PEX13: variants seen among roughly 807,000 people sequenced by gnomAD.
PEX13 encodes the protein peroxisome biogenesis factor 13.
In PEX13, 28 loss-of-function variants were observed where a neutral mutation model predicts 34.5. The observed-to-expected ratio is 0.81, with a 90% CI of 0.60 to 1.11. The LOEUF is 1.11. Ranked by LOEUF, PEX13 falls within the 50% of genes most tolerant of loss-of-function variation. The probability of loss-of-function intolerance (pLI) is 0.00; values close to 1 mark genes in which losing one functional copy is unlikely to be tolerated. For synonymous variants in PEX13, 177 were observed against 175.1 expected (o/e 1.01, Z -0.09); for missense variants, 550 against 491.0 (o/e 1.12, Z -1.13).
Position 61,035,620 on chromosome 2 carries a change from G to C in PEX13, c.787+3507G>C, listed in dbSNP as rs1415936999. Among the ~76,000 whole-genome samples the C allele has an allele frequency of 2.0e-5, 3 of 152,238 alleles. No individual in the cohort carries two copies. In the South Asian group the frequency reaches 6.2e-4, roughly 32 times the overall value. ...TAACTAGAATAAAGAGTGTACAGAA[G>C]ACCTTAAATGACCTGATGGAGCTAA... On this transcript the variant is annotated intron_variant, in intron 2 of 3. Coordinates refer to ENST00000295030, the MANE Select transcript of PEX13 (RefSeq NM_002618.4).
At position 61,031,911 on chromosome 2, in the gene PEX13, A is replaced by G; in HGVS notation, c.585A>G (p.Leu195=). ...VRTIRYLYRR[L]QRMLGLRRGS... ...CTATACGGTATCTTTACAGACGGCTACAGCGGATGTTAGGTTTAAGAAGAG... is the reference window on the plus strand; with the variant it reads ...CTATACGGTATCTTTACAGACGGCTGCAGCGGATGTTAGGTTTAAGAAGAG... Residue 195 remains leucine (L), a synonymous_variant, in exon 2 of 4, where the codon CTA becomes CTG. Transcript: ENST00000295030. 1 of 1,614,084 alleles carries G rather than the reference A, an allele frequency of 6.2e-7. No individual in the cohort carries two copies. The highest frequency in any genetic ancestry group is 8.5e-7 in the Non-Finnish European group (1 of 1,179,898).
At chr2:61,045,905 G>T (rs1680698295) in intron 3 of PEX13, 54 bp downstream of exon 3, 1 of 1,416,972 alleles carries the variant, frequency 7.1e-7, no homozygotes, top group South Asian at 1.2e-5. Context: ...ATTCATAAAT[G>T]CAGTATTAAA....
In PEX13 at chr2:61,050,507, G is replaced by T. The variant is rs1210212552; in HGVS notation, c.*1737G>T. ...AGAAAATTGGAAACTTCATATACTT[G>T]GCTACGAACATACTACAGAGTAATA... On this transcript the variant is annotated 3_prime_UTR_variant, in exon 4 of 4. Transcript: ENST00000295030. 6.6e-6 allele frequency: 1 copy of T among 152,242 alleles called. No homozygotes were observed. Among genetic ancestry groups the T allele is most frequent in the Non-Finnish European group, 1.5e-5 (1 of 68,024 alleles). The allele number at this position is 152,242 out of a possible 1,614,324, so 9.4% of individuals were successfully genotyped here. A position where few individuals can be genotyped will look rare whatever the true frequency, so the allele number is the denominator to read the frequency against.
At chr2:61,036,547 A>G (rs1461603389) in intron 2 of PEX13, among the ~76,000 whole-genome samples, 1 of 152,224 alleles carries the variant, frequency 6.6e-6, no homozygotes, top group African/African-American at 2.4e-5. Context: ...CGAAGGAGAA[A>G]TAAATTCCTT....
At chr2:61,032,861 G>T (rs554256120) in intron 2 of PEX13, among the ~76,000 whole-genome samples, 2 of 152,280 alleles carry the variant, frequency 1.3e-5, no homozygotes, top group East Asian at 3.9e-4. Context: ...AGACCAGCTT[G>T]AACAAAAGTA....
At chr2:61,024,113 T>C (rs1680311924) in intron 1 of PEX13, among the ~76,000 whole-genome samples, 1 of 152,138 alleles carries the variant, frequency 6.6e-6, no homozygotes, top group Non-Finnish European at 1.5e-5. Context: ...TGTCTTATTC[T>C]TTGCTCCTTT....
At chr2:61,030,186 C>A (rs997392393) in intron 1 of PEX13, among the ~76,000 whole-genome samples, 3 of 152,104 alleles carry the variant, frequency 2.0e-5, no homozygotes, top group African/African-American at 7.2e-5. Flanking sequence ...TGTATGAGTC[C>A]ATTTACCATA....
In PEX13 at chr2:61,017,750, G is replaced by T. The variant is rs1342966151; in HGVS notation, c.-10G>T. ...GGGGTAGGAGCGGGAGCCGAGAGGA[G>T]GCGGAGGAGATGGCGTCCCAGCCGC... On this transcript the variant is annotated 5_prime_UTR_variant, in exon 1 of 4. In the 5' UTR this introduces an upstream ATG that the reference lacks. Transcript: ENST00000295030. 3 of 1,548,704 alleles carry T rather than the reference G, an allele frequency of 1.9e-6. No individual in the cohort carries two copies. Among genetic ancestry groups the T allele is most frequent in the Non-Finnish European group, 8.7e-7 (1 of 1,146,230 alleles).
chr2:61,029,790 CAA>C (rs931286413), intron 1 of PEX13, among the ~76,000 whole-genome samples: 2 of 142,242 alleles, frequency 1.4e-5, no homozygotes, highest in Non-Finnish European at 3.0e-5. Flanking sequence ...CTAGCCTGGA[CAA>C]TAGAGTGAGA....
At chr2:61,040,313 A>G (rs1408520263) in intron 2 of PEX13, among the ~76,000 whole-genome samples, 2 of 152,202 alleles carry the variant, frequency 1.3e-5, no homozygotes, top group African/African-American at 4.8e-5. Context: ...ACTGTTCACA[A>G]TAGCAAAGAC....
intron 2 of PEX13, among the ~76,000 whole-genome samples, chr2:61,037,690 C>T (rs576888622): frequency 6.8e-4 from 104 of 152,252 alleles, no homozygotes; most frequent in African/African-American, 2.5e-3. Context: ...CCTAACATCA[C>T]AATTAAAAGA....
At chr2:61,044,327 A>T (rs1680671630) in intron 2 of PEX13, among the ~76,000 whole-genome samples, 1 of 152,154 alleles carries the variant, frequency 6.6e-6, no homozygotes, top group African/African-American at 2.4e-5. Flanking sequence ...TGGAGTGCGT[A>T]GTGCAGTCTC....
rs754544454 is a variant in PEX13, at chr2:61,031,461, A to G, written c.135A>G (p.Gln45=). ...LGPTLMTRPG[Q]PALTRVPPPI... ...CTACTTTAATGACAAGACCTGGACA[A>G]CCAGCACTTACCAGAGTGCCCCCAC... Residue 45 remains glutamine, a synonymous_variant, in exon 2 of 4, where the codon CAA becomes CAG. Coordinates refer to ENST00000295030, the MANE Select transcript of PEX13 (RefSeq NM_002618.4). 13 of 1,614,210 alleles carry G rather than the reference A, an allele frequency of 8.1e-6. 1 individual carries two copies. The South Asian group carries it at 1.2e-4, about 15-fold the overall frequency.
chr2:61,034,906 G>GGCA (rs776824663), intron 2 of PEX13, among the ~76,000 whole-genome samples: 1 of 152,268 alleles, frequency 6.6e-6, no homozygotes, highest in Non-Finnish European at 1.5e-5. Flanking sequence ...CTGAACAAAA[G>GGCA]GCAGCAGACA....
chr2:61,048,660 G>C lies in PEX13; in HGVS notation c.1102G>C (p.Asp368His). ...ACTAACTAAAGGAGCCACGGTTGCT[G>C]ATTCTTTGGATGAACAGGAAGCTGC... ...PTLTKGATVA[D>H]SLDEQEAAFE... The change falls in exon 4 of 4, where the codon GAT becomes CAT. Residue 368 changes from aspartate (D) to histidine (H), a missense_variant. Asp to His is a moderately conservative substitution (Grantham distance 81, BLOSUM62 -1). Transcript: ENST00000295030. 1 of 1,614,024 alleles carries C rather than the reference G, an allele frequency of 6.2e-7. No homozygotes were observed. Among genetic ancestry groups the C allele is most frequent in the East Asian group, 2.2e-5 (1 of 44,888 alleles).
Position 61,031,879 on chromosome 2 carries a change from G to T in PEX13, c.553G>T (p.Val185Phe), listed in dbSNP as rs1680457145. 1 of 1,613,408 alleles carries T rather than the reference G, an allele frequency of 6.2e-7. No homozygotes were observed. Reference protein sequence around the residue: ...FTKVFSAFALVRTIRYLYRRL... With the variant: ...FTKVFSAFALFRTIRYLYRRL... ...AAAAGTGTTTTCAGCTTTTGCATTG[G>T]TTAGGACTATACGGTATCTTTACAG... is the stretch of plus-strand genomic sequence containing the variant. The change falls in exon 2 of 4, where the codon GTT (valine) becomes TTT (phenylalanine). Residue 185 changes from valine (V) to phenylalanine (F), a missense_variant. By Grantham distance (50) the Val-to-Phe change is conservative. Coordinates refer to ENST00000295030, the MANE Select transcript of PEX13 (RefSeq NM_002618.4).
Position 61,048,601 on chromosome 2 carries a change from T to C in PEX13, c.1043T>C (p.Val348Ala). The C allele has an allele frequency of 1.9e-6, 3 of 1,614,070 alleles. No homozygotes were observed. The highest frequency in any genetic ancestry group is 2.5e-6 in the Non-Finnish European group (3 of 1,180,006). The stretch of plus-strand genomic sequence containing the variant: ...AGGAAAACGGTGGAATCAAGTAAAG[T>C]TTCCAAGCAGCAACAATCTTTTACC... ...KGRKTVESSK[V>A]SKQQQSFTNP... Residue 348 changes from valine to alanine, a missense_variant, in exon 4 of 4, where the codon GTT becomes GCT. Coordinates refer to ENST00000295030, the MANE Select transcript of PEX13 (RefSeq NM_002618.4).
At position 61,018,254 on chromosome 2, in the gene PEX13, C is replaced by G. The variant is rs566451812; in HGVS notation, c.92+403C>G. The G allele has an allele frequency of 3.2e-6, 5 of 1,550,944 alleles. No homozygotes were observed. In the Admixed American group the frequency reaches 5.9e-5, roughly 18 times the overall value. On this transcript the variant is annotated intron_variant, in intron 1 of 3. Coordinates refer to ENST00000295030, the MANE Select transcript of PEX13 (RefSeq NM_002618.4). The stretch of plus-strand genomic sequence containing the variant: ...ACGGCATCGACAGGGAGCAAAGTCT[C>G]TCCTTAAAGGTGTTAACCTCTCGAG...
chr2:61,020,999 T>G (rs1265772958), intron 1 of PEX13, among the ~76,000 whole-genome samples: 2 of 152,232 alleles, frequency 1.3e-5, no homozygotes, highest in African/African-American at 4.8e-5. Context: ...TTAAATTTTA[T>G]GAATGGCTTT....
Sources: allele counts gnomAD v4.1 joint callset (sites outside exome capture counted in the v4.1 genomes callset), GRCh38; gene constraint gnomAD v4.1.1; transcripts MANE v1.5; gene names NCBI Gene and HGNC (gene_info 2026-07-23, HGNC 2026-07-21).